Variants in HSPA9 observed in about 807,000 individuals in gnomAD.
HSPA9 encodes the protein heat shock protein family A (Hsp70) member 9.
A neutral mutation model predicts 81.5 loss-of-function variants in HSPA9; 28 were observed. That is an observed-to-expected ratio of 0.34 (90% CI 0.25 to 0.47). The LOEUF (loss-of-function observed/expected upper bound fraction) is 0.47. Among genes scored for constraint, HSPA9 ranks in the 20% least tolerant of loss-of-function variants. The pLI is 1.00. For synonymous variants in HSPA9, 293 were observed against 290.4 expected, an observed-to-expected ratio of 1.01 and a Z score of -0.09; for missense variants, 678 against 838.0, an observed-to-expected ratio of 0.81 and a Z score of 2.36.
rs1265927222 is a variant in HSPA9 at position 138,575,307 on chromosome 5, G to A, written c.12C>T (p.Ala4=). Residue 4 remains alanine (A), a synonymous_variant, in exon 1 of 17, where the codon GCC becomes GCT. Transcript: ENST00000297185. MIS[A]SRAAAARLVG... is the part of the protein sequence containing the mutation. ...CGAGACGGGCTGCTGCAGCTCGGCTGGCACTTATCATGGCGGATAAATGGA... is the reference window on the plus strand; with the variant it reads ...CGAGACGGGCTGCTGCAGCTCGGCTAGCACTTATCATGGCGGATAAATGGA... 3 of 1,612,040 alleles carry A rather than the reference G, an allele frequency of 1.9e-6. No individual in the cohort carries two copies. Among genetic ancestry groups the A allele is most frequent in the Non-Finnish European group, 1.7e-6 (2 of 1,179,488 alleles).
intron 9 of HSPA9, among the ~76,000 whole-genome samples, chr5:138,563,190 TTC>T (rs1408349588): frequency 8.5e-5 from 13 of 152,222 alleles, no homozygotes; most frequent in African/African-American, 2.7e-4. Context: ...CAGTAGAATT[TTC>T]TGTGACAATG....
At chr5:138,572,894 T>C (rs1481886212) in intron 3 of HSPA9, among the ~76,000 whole-genome samples, 1 of 151,642 alleles carries the variant, frequency 6.6e-6, no homozygotes, top group East Asian at 1.9e-4. Context: ...TGATCTATAG[T>C]CTCTTCTTTT....
intron 10 of HSPA9, chr5:138,561,019 G>T: frequency 2.1e-6 from 1 of 487,004 alleles, no homozygotes; most frequent in Non-Finnish European, 4.2e-6. Context: ...AGGCTACCAA[G>T]AAGAACTGCA....
intron 5 of HSPA9, among the ~76,000 whole-genome samples, chr5:138,568,394 T>TG (rs1044476116): frequency 2.7e-5 from 4 of 150,756 alleles, no homozygotes; most frequent in Admixed American, 6.6e-5. Flanking sequence ...CCAGCTACGT[T>TG]GGGGGGGAGG....
chr5:138,558,105 T>G (rs1750569716), intron 12 of HSPA9, 119 bp from the exon 13 acceptor site: 1 of 764,070 alleles, frequency 1.3e-6, no homozygotes, highest in Non-Finnish European at 2.4e-6. Context: ...AACAAGTGAT[T>G]TAATGTACAA....
intron 4 of HSPA9, among the ~76,000 whole-genome samples, chr5:138,570,568 C>A (rs2127160782): frequency 6.6e-6 from 1 of 152,268 alleles, no homozygotes; most frequent in African/African-American, 2.4e-5. Flanking sequence ...TCACCGCAAC[C>A]ACCGTCTCCC....
At chr5:138,571,960 CTTTT>C (rs10694029) in intron 3 of HSPA9, among the ~76,000 whole-genome samples, 2 of 100,446 alleles carry the variant, frequency 2.0e-5, no homozygotes, top group South Asian at 5.9e-4. Context: ...CTGCGCCTGG[CTTTT>C]TTTTTTTTTT....
chr5:138,557,910 T>C lies in HSPA9; in HGVS notation c.1592A>G (p.His531Arg), dbSNP rs767619327. ...TFDIDANGIV[H>R]VSAKDKGTGR... ...TGTGCCTTTATCTTTAGCAGAAACA[T>C]GTACTATCCCATTGGCATCAATGTC... Residue 531 changes from histidine (H) to arginine (R), a missense_variant, in exon 13 of 17, where the codon CAT becomes CGT. By Grantham distance (29) the His-to-Arg change is conservative (BLOSUM62 0). Around this residue, in one of 4 missense-constraint regions of HSPA9, gnomAD observed 484 missense variants for 647.5 expected, o/e 0.75. Transcript: ENST00000297185. The C allele has an allele frequency of 1.9e-6, 3 of 1,611,486 alleles. No individual in the cohort carries two copies. In the African/African-American group the frequency reaches 4.0e-5, roughly 22 times the overall value.
At position 138,573,777 on chromosome 5, in the gene HSPA9, C is replaced by A. The variant is rs1167284703; in HGVS notation, c.214G>T (p.Gly72Cys). ...TTNSCVAVME[G>C]KQAKVLENAE... Reference sequence around the variant, plus strand: ...ATCATGCTCACCTTTGCTTGTTTACCTTCCATAACTGCCACGCAGGAGTTG... The same window carrying A: ...ATCATGCTCACCTTTGCTTGTTTACATTCCATAACTGCCACGCAGGAGTTG... The change falls in exon 3 of 17, where the codon GGT becomes TGT. Residue 72 changes from glycine (G) to cysteine (C), a missense_variant. Transcript: ENST00000297185. 6.2e-7 allele frequency: 1 copy of A among 1,605,054 alleles called. No homozygotes were observed. Among genetic ancestry groups the A allele is most frequent in the Admixed American group, 1.7e-5 (1 of 59,636 alleles).
chr5:138,572,460 G>A (rs1206822999), intron 3 of HSPA9, among the ~76,000 whole-genome samples: 1 of 152,208 alleles, frequency 6.6e-6, no homozygotes, highest in Non-Finnish European at 1.5e-5. Flanking sequence ...AAAGTTGGGT[G>A]TGCAGAGACA....
chr5:138,567,796 A>T lies in HSPA9; in HGVS notation c.536-74T>A. ...TTAATATAGCCCAACAACCTGTGTC[A>T]TCCTTTTGCAGCCACAGACAACATT... On this transcript the variant is annotated intron_variant, in intron 5 of 16. Coordinates refer to ENST00000297185, the MANE Select transcript of HSPA9 (RefSeq NM_004134.7). 7 of 1,072,248 alleles carry T rather than the reference A, an allele frequency of 6.5e-6. No individual in the cohort carries two copies. In the South Asian group the frequency reaches 7.9e-5, roughly 12 times the overall value. 66.4% of individuals were successfully genotyped at this position (1,072,248 alleles called of 1,614,324 possible). A position where few individuals can be genotyped will look rare whatever the true frequency, so the allele number is the denominator to read the frequency against.
At chr5:138,569,789 A>T (rs1007185957) in intron 4 of HSPA9, among the ~76,000 whole-genome samples, 2 of 152,260 alleles carry the variant, frequency 1.3e-5, no homozygotes, top group African/African-American at 4.8e-5. Context: ...TCAGCCTCAG[A>T]CAGTCTTTCC....
chr5:138,561,699 C>T lies in HSPA9; in HGVS notation c.1063G>A (p.Val355Ile). Reference protein sequence around the residue: ...KLTRAQFEGIVTDLIRRTIAP... With the variant: ...KLTRAQFEGIITDLIRRTIAP... The stretch of plus-strand genomic sequence containing the variant: ...ATAGTCCTTCTGATTAGATCAGTGA[C>T]AATCCCTTCAAATTGAGCACGGGTC... Residue 355 changes from valine (V) to isoleucine (I), a missense_variant, in exon 10 of 17, where the codon GTC (valine) becomes ATC (isoleucine). Coordinates refer to ENST00000297185, the MANE Select transcript of HSPA9 (RefSeq NM_004134.7). 1 of 1,614,152 alleles carries T rather than the reference C, an allele frequency of 6.2e-7. No homozygotes were observed. Among genetic ancestry groups the T allele is most frequent in the African/African-American group, 1.3e-5 (1 of 75,056 alleles).
chr5:138,555,959 C>G lies in HSPA9; in HGVS notation c.*78G>C. The G allele has an allele frequency of 1.0e-6, 1 of 984,732 alleles. No individual in the cohort carries two copies. The highest frequency in any genetic ancestry group is 1.7e-5 in the Admixed American group (1 of 58,680). 61.0% of individuals were successfully genotyped at this position (984,732 alleles called of 1,614,324 possible). A position where few individuals can be genotyped will look rare whatever the true frequency, so the allele number is the denominator to read the frequency against. ...AAAACACAGTAAAAAGACTGAAGTTCGCCCATTTCTGCTCAGGAAGTCTCT... is the reference window on the plus strand; with the variant it reads ...AAAACACAGTAAAAAGACTGAAGTTGGCCCATTTCTGCTCAGGAAGTCTCT... On this transcript the variant is annotated 3_prime_UTR_variant, in exon 17 of 17. Coordinates refer to ENST00000297185, the MANE Select transcript of HSPA9 (RefSeq NM_004134.7).
chr5:138,559,459 C>T (rs887571182), intron 11 of HSPA9, among the ~76,000 whole-genome samples: 1 of 152,110 alleles, frequency 6.6e-6, no homozygotes, highest in African/African-American at 2.4e-5. Flanking sequence ...CTTGGTATCT[C>T]GGCACCCTCA....
Position 138,555,772 on chromosome 5 carries a change from G to C in HSPA9, c.*265C>G. 3 of 512,146 alleles carry C rather than the reference G, an allele frequency of 5.9e-6. No homozygotes were observed. The highest frequency in any genetic ancestry group is 1.1e-5 in the Non-Finnish European group (3 of 285,682). 31.7% of individuals were successfully genotyped at this position (512,146 alleles called of 1,614,324 possible). A position where few individuals can be genotyped will look rare whatever the true frequency, so the allele number is the denominator to read the frequency against. On this transcript the variant is annotated 3_prime_UTR_variant, in exon 17 of 17. Coordinates refer to ENST00000297185, the MANE Select transcript of HSPA9 (RefSeq NM_004134.7). Reference sequence around the variant, plus strand: ...CATAAAATAGTTAAATCTTTATAATGATCAATTCATCCTACCTCCTTTTAC... The same window carrying C: ...CATAAAATAGTTAAATCTTTATAATCATCAATTCATCCTACCTCCTTTTAC...
chr5:138,568,774 G>A (rs1750820502), intron 5 of HSPA9, 151 bp downstream of exon 5: 3 of 777,498 alleles, frequency 3.9e-6, no homozygotes, highest in Admixed American at 2.0e-5. Context: ...TGCAGGGAAA[G>A]CATGAAGTAT....
At position 138,561,544 on chromosome 5, in the gene HSPA9, C is replaced by CCT. The variant is rs770308339; in HGVS notation, c.1182+34_1182+35dup. 2.4e-4 allele frequency: 371 copies of CCT among 1,549,220 alleles called. 2 individuals are homozygous for CCT. In the South Asian group the frequency reaches 3.9e-3, roughly 16 times the overall value. On this transcript the variant is annotated intron_variant, in intron 10 of 16. Transcript: ENST00000297185. ...TCCCAAGAATACACTATGCGCCAGC[C>CCT]CTCTCTCTCCACGACAGAATTCCAC...
At chr5:138,571,773 G>A (rs1750899814) in intron 3 of HSPA9, among the ~76,000 whole-genome samples, 1 of 150,040 alleles carries the variant, frequency 6.7e-6, no homozygotes, top group Non-Finnish European at 1.5e-5. Flanking sequence ...CTCCTGAGTA[G>A]CTGGGATTAC....
Sources: gnomAD v4.1 joint callset for allele counts (sites outside exome capture counted in the v4.1 genomes callset) on GRCh38, gnomAD v4.1.1 for gene constraint, gnomAD v4.1.1 regional missense constraint, MANE v1.5 for transcripts, NCBI Gene and HGNC (gene_info 2026-07-23, HGNC 2026-07-21) for gene names.